Variants in EXOC4 observed in about 807,000 individuals in gnomAD.
The protein encoded by EXOC4 is exocyst complex component 4.
EXOC4 carries 71 observed loss-of-function variants against 107.2 expected under a neutral mutation model. The ratio of observed to expected loss-of-function variants is 0.66; its 90% CI spans 0.55 to 0.81. The LOEUF (loss-of-function observed/expected upper bound fraction) is 0.81, where lower values mean the gene tolerates loss of function less well. Ranked by LOEUF, EXOC4 falls within the 30% of genes least tolerant of loss-of-function variation. The probability of loss-of-function intolerance (pLI) is 0.00; values close to 1 mark genes in which losing one functional copy is unlikely to be tolerated. For synonymous variants in EXOC4, 456 were observed against 441.2 expected (o/e 1.03, Z -0.42); for missense variants, 1,108 against 1,189.6 (o/e 0.93, Z 1.01).
In EXOC4 at chr7:133,439,818, C is replaced by T. The variant is rs557577422; in HGVS notation, c.1183-35510C>T. ...GCCCAGATGACCCTTCCCATGTTTTCCCTGGACCTGCCTCACTGTTGAATT... is the reference window on the plus strand; with the variant it reads ...GCCCAGATGACCCTTCCCATGTTTTTCCTGGACCTGCCTCACTGTTGAATT... On this transcript the variant is annotated intron_variant, in intron 7 of 17. Transcript: ENST00000253861. 7.2e-5 allele frequency among the ~76,000 whole-genome samples: 11 copies of T among 152,200 alleles called. No individual in the cohort carries two copies. In the South Asian group the frequency reaches 2.1e-3, roughly 29 times the overall value.
chr7:133,651,990 C>G (rs1267956163), intron 10 of EXOC4, among the ~76,000 whole-genome samples: 2 of 152,162 alleles, frequency 1.3e-5, no homozygotes, highest in Non-Finnish European at 2.9e-5. Flanking sequence ...GTAACTCAAA[C>G]TCTAGAAGGC....
intron 12 of EXOC4, among the ~76,000 whole-genome samples, chr7:133,911,609 T>C (rs1458199899): frequency 6.6e-6 from 1 of 152,218 alleles, no homozygotes; most frequent in Non-Finnish European, 1.5e-5. Context: ...TTTAAAAATA[T>C]GTAAGTAAAT....
At chr7:134,072,312 A>T in the EXOC4 span, among the ~76,000 whole-genome samples, 1 of 152,226 alleles carries the variant, frequency 6.6e-6, no homozygotes, top group Non-Finnish European at 1.5e-5. Context: ...AATTTATTTA[A>T]TGTAAGTTAT....
intron 11 of EXOC4, among the ~76,000 whole-genome samples, chr7:133,860,696 TCTTTA>T (rs1375648134): frequency 1.3e-5 from 2 of 152,190 alleles, no homozygotes; most frequent in African/African-American, 2.4e-5. Flanking sequence ...TTCTTTTTCC[TCTTTA>T]CTTTGTTTTC....
At chr7:133,867,879 G>T (rs930288182) in intron 11 of EXOC4, among the ~76,000 whole-genome samples, 1 of 152,186 alleles carries the variant, frequency 6.6e-6, no homozygotes, top group Non-Finnish European at 1.5e-5. Flanking sequence ...GCACTGCACT[G>T]TGTGTTATCT....
intron 7 of EXOC4, among the ~76,000 whole-genome samples, chr7:133,383,672 G>A (rs1796666198): frequency 6.6e-6 from 1 of 152,214 alleles, no homozygotes; most frequent in East Asian, 1.9e-4. Context: ...TCTGAAACTA[G>A]GTTATTCTTA....
chr7:133,332,058 T>G lies in EXOC4; in HGVS notation c.763+14668T>G, dbSNP rs73436999. Reference sequence around the variant, plus strand: ...TGGACTCCCAGTATGTCTTTTCATTTGGCAAACTGCCTTTGGAACATTTTG... The same window carrying G: ...TGGACTCCCAGTATGTCTTTTCATTGGGCAAACTGCCTTTGGAACATTTTG... On this transcript the variant is annotated intron_variant, in intron 5 of 17. Transcript: ENST00000253861. Among the ~76,000 whole-genome samples, 1,212 of 152,318 alleles carry G rather than the reference T, an allele frequency of 8.0e-3. 21 individuals are homozygous for G. The highest frequency in any genetic ancestry group is 0.028 in the African/African-American group (1,170 of 41,556).
chr7:133,823,874 A>ATATATATATATATATAT (rs1797614367), intron 11 of EXOC4, among the ~76,000 whole-genome samples: 6 of 9,078 alleles, frequency 6.6e-4, no homozygotes, highest in East Asian at 4.9e-3. Flanking sequence ...TATATATATT[A>ATATATATATATATATAT]TATATATATA....
intron 9 of EXOC4, among the ~76,000 whole-genome samples, chr7:133,489,860 G>T (rs1799338451): frequency 6.6e-6 from 1 of 152,054 alleles, no homozygotes; most frequent in South Asian, 2.1e-4. Flanking sequence ...CAAATTCATA[G>T]AGTCCCTGAT....
chr7:134,073,659 A>T, the EXOC4 span, among the ~76,000 whole-genome samples: 6 of 145,582 alleles, frequency 4.1e-5, no homozygotes, highest in African/African-American at 1.6e-4. Flanking sequence ...GAAAAATGTC[A>T]CATTCTTTTT....
intron 12 of EXOC4, among the ~76,000 whole-genome samples, chr7:133,916,269 G>A (rs950846963): frequency 6.6e-6 from 1 of 152,212 alleles, no homozygotes; most frequent in Non-Finnish European, 1.5e-5. Context: ...AGCTCAGGTA[G>A]TAACGCTCAC....
the EXOC4 span, among the ~76,000 whole-genome samples, chr7:134,080,640 G>C: frequency 6.6e-6 from 1 of 151,962 alleles, no homozygotes; most frequent in Non-Finnish European, 1.5e-5. Flanking sequence ...GACAGATTCA[G>C]GAAATACTTA....
At chr7:133,693,482 C>G (rs948330406) in intron 10 of EXOC4, among the ~76,000 whole-genome samples, 1 of 151,974 alleles carries the variant, frequency 6.6e-6, no homozygotes, top group Non-Finnish European at 1.5e-5. Context: ...TTTGGCGACA[C>G]CTTCACAGAC....
At chr7:134,008,750 C>T (rs771605088) in intron 17 of EXOC4, among the ~76,000 whole-genome samples, 25 of 151,880 alleles carry the variant, frequency 1.6e-4, no homozygotes, top group East Asian at 1.9e-4. Flanking sequence ...TCAAGGGATC[C>T]TCCGAGGAGC....
intron 7 of EXOC4, among the ~76,000 whole-genome samples, chr7:133,450,855 T>C (rs1157644662): frequency 1.3e-5 from 2 of 152,232 alleles, no homozygotes; most frequent in Non-Finnish European, 2.9e-5. Context: ...TTGTCAGAAT[T>C]CCATTGTTAG....
At chr7:133,451,815 A>G (rs1798354470) in intron 7 of EXOC4, among the ~76,000 whole-genome samples, 2 of 152,160 alleles carry the variant, frequency 1.3e-5, no homozygotes, top group Non-Finnish European at 2.9e-5. Flanking sequence ...GTGTGTTGGT[A>G]GGGTAGACCT....
At chr7:133,261,843 G>A (rs73148906) in intron 1 of EXOC4, among the ~76,000 whole-genome samples, 43,811 of 151,914 alleles carry the variant, frequency 0.29, 6,728 homozygotes, top group African/African-American at 0.39. Flanking sequence ...TTCCAGCCCT[G>A]TGTGAGTTCA....
intron 17 of EXOC4, among the ~76,000 whole-genome samples, chr7:134,042,267 T>C (rs1795538231): frequency 6.6e-6 from 1 of 152,196 alleles, no homozygotes; most frequent in Non-Finnish European, 1.5e-5. Context: ...GTATAAAGCA[T>C]ATTAGTTTAA....
At chr7:133,769,107 T>C (rs1015666772) in intron 10 of EXOC4, among the ~76,000 whole-genome samples, 2 of 151,960 alleles carry the variant, frequency 1.3e-5, no homozygotes, top group Non-Finnish European at 2.9e-5. Context: ...CACAAAACAT[T>C]GTGAGAATTG....
Sources: allele counts gnomAD v4.1 joint callset (sites outside exome capture counted in the v4.1 genomes callset), GRCh38; gene constraint gnomAD v4.1.1; transcripts MANE v1.5; gene names NCBI Gene and HGNC (gene_info 2026-07-23, HGNC 2026-07-21).